Variants in RAB33B observed in about 807,000 individuals in gnomAD.
RAB33B encodes ras-related protein Rab-33B.
Under a neutral mutation model 15.0 loss-of-function variants are expected in RAB33B, and 6 were observed. That is an observed-to-expected ratio of 0.40 (90% CI 0.22 to 0.79). The LOEUF is 0.79. Among genes scored for constraint, RAB33B ranks in the 30% least tolerant of loss-of-function variants. The pLI, the probability that RAB33B is intolerant of heterozygous loss-of-function variation, is 0.37. For synonymous variants in RAB33B, 117 were observed against 108.3 expected (o/e 1.08, Z -0.50); for missense variants, 257 against 296.4 (o/e 0.87, Z 0.98).
chr4:139,453,796 G>GTAA (rs1330305220), upstream of RAB33B: 1 of 164,030 alleles, frequency 6.1e-6, no homozygotes, highest in Non-Finnish European at 1.3e-5. Flanking sequence ...CGCCCCCGGA[G>GTAA]TGATTGCGCG....
At chr4:139,439,860 A>G in the RAB33B span, among the ~76,000 whole-genome samples, 1 of 151,816 alleles carries the variant, frequency 6.6e-6, no homozygotes, top group Non-Finnish European at 1.5e-5. Flanking sequence ...TTAGCTCCAG[A>G]ATTTCTTTTT....
At chr4:139,444,755 T>C in the RAB33B span, among the ~76,000 whole-genome samples, 1 of 152,270 alleles carries the variant, frequency 6.6e-6, no homozygotes, top group East Asian at 1.9e-4. Context: ...CCTGTGGTCA[T>C]TTTCCCAGTG....
chr4:139,441,566 T>C, the RAB33B span, among the ~76,000 whole-genome samples: 1 of 152,196 alleles, frequency 6.6e-6, no homozygotes, highest in Non-Finnish European at 1.5e-5. Context: ...AGTTCTAAAA[T>C]ACAGATGGTT....
At chr4:139,452,074 G>C (rs953681987), upstream of RAB33B, 3 of 152,198 alleles carry the variant, frequency 2.0e-5, no homozygotes, top group Admixed American at 6.5e-5. Flanking sequence ...ACAATGTCAA[G>C]TGCCAACAAT....
rs182456404 is a variant in RAB33B at position 139,454,876 on chromosome 4, T to C, written c.249+432T>C. On this transcript the variant is annotated intron_variant, in intron 1 of 1. Transcript: ENST00000305626. ...TTTAATCAGTAATAGTTATTAAACA[T>C]TCATTCGAGCAGTGCCTTAGATGTT... Among the ~76,000 whole-genome samples the C allele has an allele frequency of 7.2e-5, 11 of 152,364 alleles. No homozygotes were observed. In the East Asian group the frequency reaches 2.1e-3, roughly 29 times the overall value.
chr4:139,453,719 G>GCTCTGGCA (rs1749992564), upstream of RAB33B: 7 of 152,806 alleles, frequency 4.6e-5, no homozygotes, highest in African/African-American at 1.7e-4. Context: ...CGTCAAAGGC[G>GCTCTGGCA]GCTCTGCGGC....
the RAB33B span, among the ~76,000 whole-genome samples, chr4:139,440,522 A>G: frequency 3.3e-5 from 5 of 152,146 alleles, no homozygotes; most frequent in Non-Finnish European, 2.9e-5. Context: ...GCTGTGTGCA[A>G]ACCACTCTAG....
At chr4:139,448,379 T>C (rs1332215640), upstream of RAB33B, 1 of 152,208 alleles carries the variant, frequency 6.6e-6, no homozygotes, top group African/African-American at 2.4e-5. Flanking sequence ...ATTTCCTCCT[T>C]TTGTTAAAAA....
At chr4:139,467,183 G>A (rs1004902177) in intron 1 of RAB33B, among the ~76,000 whole-genome samples, 1 of 150,662 alleles carries the variant, frequency 6.6e-6, no homozygotes, top group African/African-American at 2.4e-5. Context: ...TGGCCAGGCT[G>A]GTTATGAACT....
chr4:139,471,504 A>G (rs1750390597), intron 1 of RAB33B, among the ~76,000 whole-genome samples: 1 of 144,592 alleles, frequency 6.9e-6, no homozygotes, highest in Non-Finnish European at 1.5e-5. Flanking sequence ...TGCTCACCTG[A>G]TTTTTGGTTC....
chr4:139,441,104 C>G, the RAB33B span, among the ~76,000 whole-genome samples: 1 of 152,208 alleles, frequency 6.6e-6, no homozygotes, highest in African/African-American at 2.4e-5. Flanking sequence ...TGCTGCTCCA[C>G]ATAATCTCAT....
chr4:139,442,177 A>AT, the RAB33B span, among the ~76,000 whole-genome samples: 1 of 152,078 alleles, frequency 6.6e-6, no homozygotes, highest in African/African-American at 2.4e-5. Context: ...TAAAATTGAG[A>AT]TTTTTTGGGT....
rs369032067 is a variant in RAB33B at position 139,465,087 on chromosome 4, G to A, written c.250-7599G>A. On this transcript the variant is annotated intron_variant, in intron 1 of 1. Transcript: ENST00000305626. The stretch of plus-strand genomic sequence containing the variant: ...CTTTTTAGTGATCGCCATTCTAACT[G>A]GTGTGAGATGGTATCTCATTGTGGT... Among the ~76,000 whole-genome samples the A allele has an allele frequency of 1.5e-4, 23 of 152,270 alleles. No individual in the cohort carries two copies. The South Asian group carries it at 3.5e-3, about 23-fold the overall frequency.
In RAB33B at chr4:139,472,668, T is replaced by C. The variant is rs780342734; in HGVS notation, c.250-18T>C. On this transcript the variant is annotated intron_variant, in intron 1 of 1. Coordinates refer to ENST00000305626, the MANE Select transcript of RAB33B (RefSeq NM_031296.3). ...GGAATGGGATTTTCAGTTTTCCTCT[T>C]TTTCTTCCCATTTTTAGATCCAGCT... 9 of 1,560,812 alleles carry C rather than the reference T, an allele frequency of 5.8e-6. No homozygotes were observed. The African/African-American group carries it at 1.2e-4, about 21-fold the overall frequency.
rs1213314024 is a variant in RAB33B at position 139,475,543 on chromosome 4, A to G, written c.*2417A>G. The G allele has an allele frequency of 6.6e-6, 1 of 152,018 alleles. No individual in the cohort carries two copies. Among genetic ancestry groups the G allele is most frequent in the Non-Finnish European group, 1.5e-5 (1 of 67,932 alleles). The allele number at this position is 152,018 out of a possible 1,614,324, so 9.4% of individuals were successfully genotyped here. A position where few individuals can be genotyped will look rare whatever the true frequency, so the allele number is the denominator to read the frequency against. On this transcript the variant is annotated 3_prime_UTR_variant, in exon 2 of 2. Transcript: ENST00000305626. Reference sequence around the variant, plus strand: ...CAGTTGAATGGGGTTAAAGCTTTCAATATCTTAAAATATTTATAAAACATT... The same window carrying G: ...CAGTTGAATGGGGTTAAAGCTTTCAGTATCTTAAAATATTTATAAAACATT...
the RAB33B span, among the ~76,000 whole-genome samples, chr4:139,442,118 C>A: frequency 6.6e-6 from 1 of 151,992 alleles, no homozygotes. Flanking sequence ...TTCCTTTTAT[C>A]TTTTTATCTA....
chr4:139,473,395 A>T lies in RAB33B; in HGVS notation c.*269A>T, dbSNP rs753676031. Reference sequence around the variant, plus strand: ...CTAGAGCCCAATGAAGGAAGCTTCAAATGAGAACATGATGGAATCAGTAAC... The same window carrying T: ...CTAGAGCCCAATGAAGGAAGCTTCATATGAGAACATGATGGAATCAGTAAC... On this transcript the variant is annotated 3_prime_UTR_variant, in exon 2 of 2. Coordinates refer to ENST00000305626, the MANE Select transcript of RAB33B (RefSeq NM_031296.3). The T allele has an allele frequency of 2.3e-6, 1 of 432,242 alleles. No individual in the cohort carries two copies. Among genetic ancestry groups the T allele is most frequent in the Non-Finnish European group, 4.1e-6 (1 of 244,082 alleles). The allele number at this position is 432,242 out of a possible 1,614,324, so 26.8% of individuals were successfully genotyped here.
chr4:139,458,769 A>G (rs1444002084), intron 1 of RAB33B, among the ~76,000 whole-genome samples: 1 of 152,210 alleles, frequency 6.6e-6, no homozygotes, highest in Admixed American at 6.5e-5. Context: ...CTTTGAGTGT[A>G]TACCCAATAA....
At chr4:139,466,011 A>T (rs970050635) in intron 1 of RAB33B, among the ~76,000 whole-genome samples, 6 of 152,044 alleles carry the variant, frequency 3.9e-5, no homozygotes, top group Admixed American at 3.9e-4. Context: ...GCTGGTAGAG[A>T]CAAGGTCTCT....
Sources: allele counts gnomAD v4.1 joint callset (sites outside exome capture counted in the v4.1 genomes callset), GRCh38; gene constraint gnomAD v4.1.1; transcripts MANE v1.5; gene names NCBI Gene and HGNC (gene_info 2026-07-23, HGNC 2026-07-21).